Variants in TMED3 observed in about 807,000 individuals in gnomAD.
TMED3 encodes transmembrane p24 trafficking protein 3.
In TMED3, 9 loss-of-function variants were observed where a neutral mutation model predicts 15.0. The ratio of observed to expected loss-of-function variants is 0.60; its 90% CI spans 0.36 to 1.04. The LOEUF is 1.04. TMED3 is among the 50% of genes least tolerant of loss of function. TMED3 has a pLI of 0.01. For missense variants in TMED3, 267 were observed against 278.9 expected (o/e 0.96, Z 0.30); for synonymous variants, 117 against 121.4 (o/e 0.96, Z 0.24).
chr15:79,347,951 G>A (rs1165470446), intron 2 of TMED3, among the ~76,000 whole-genome samples: 1 of 152,112 alleles, frequency 6.6e-6, no homozygotes, highest in Non-Finnish European at 1.5e-5. Flanking sequence ...AACAAAAATA[G>A]CTGATTTTAC....
At chr15:79,407,369 G>C (rs1199295903) in intron 2 of TMED3, among the ~76,000 whole-genome samples, 1 of 152,068 alleles carries the variant, frequency 6.6e-6, no homozygotes, top group Non-Finnish European at 1.5e-5. Context: ...GAGATACTGG[G>C]GCATTTGCTC....
At chr15:79,375,943 G>T (rs1206896344) in intron 2 of TMED3, among the ~76,000 whole-genome samples, 2 of 152,146 alleles carry the variant, frequency 1.3e-5, no homozygotes, top group African/African-American at 4.8e-5. Flanking sequence ...AAGGTGAAGG[G>T]CAAAAATATG....
At chr15:79,314,246 C>A (rs1300158155) in intron 2 of TMED3, among the ~76,000 whole-genome samples, 2 of 151,608 alleles carry the variant, frequency 1.3e-5, no homozygotes, top group East Asian at 3.8e-4. Flanking sequence ...CCTGTCTCTA[C>A]TCTTTCATTC....
intron 2 of TMED3, among the ~76,000 whole-genome samples, chr15:79,354,271 G>A (rs2058909696): frequency 6.6e-6 from 1 of 152,068 alleles, no homozygotes; most frequent in Admixed American, 6.6e-5. Context: ...AGGGGAGTAT[G>A]GAGGGCAGAG....
At chr15:79,358,799 C>T (rs1365583145) in intron 2 of TMED3, among the ~76,000 whole-genome samples, 1 of 152,208 alleles carries the variant, frequency 6.6e-6, no homozygotes, top group Non-Finnish European at 1.5e-5. Flanking sequence ...GGTGAAATGG[C>T]TGGGCCTATT....
intron 2 of TMED3, among the ~76,000 whole-genome samples, chr15:79,380,693 G>T (rs180844273): frequency 5.9e-5 from 9 of 151,644 alleles, no homozygotes; most frequent in Admixed American, 5.9e-4. Context: ...ATATTTGGGG[G>T]ATGGAAGAGG....
chr15:79,357,858 G>C (rs939624510), intron 2 of TMED3, among the ~76,000 whole-genome samples: 2 of 152,038 alleles, frequency 1.3e-5, no homozygotes, highest in African/African-American at 4.8e-5. Flanking sequence ...TTAATGCATT[G>C]GTTTATACCA....
chr15:79,404,301 C>G (rs866211986), intron 2 of TMED3, among the ~76,000 whole-genome samples: 1 of 152,270 alleles, frequency 6.6e-6, no homozygotes, highest in Middle Eastern at 3.4e-3. Flanking sequence ...AGGGCTGGTA[C>G]CATATCAAAG....
rs1555424540 is a variant in TMED3 at position 79,387,613 on chromosome 15, C to CACACACAT, written c.418-23779_418-23772dup. Among the ~76,000 whole-genome samples, 1,127 of 152,038 alleles carry CACACACAT rather than the reference C, an allele frequency of 7.4e-3. 17 individuals carry two copies. The highest frequency in any genetic ancestry group is 0.025 in the African/African-American group (1,054 of 41,484). On this transcript the variant is annotated intron_variant, in intron 2 of 2. Transcript: ENST00000424155. Reference sequence around the variant, plus strand: ...GCACCTGCACACACACACACACACACACACACATACACACACACAAGTATT... The same window carrying CACACACAT: ...GCACCTGCACACACACACACACACACACACACATACACACATACACACACACAAGTATT...
chr15:79,355,899 C>T (rs531444147), intron 2 of TMED3, among the ~76,000 whole-genome samples: 77 of 152,206 alleles, frequency 5.1e-4, no homozygotes, highest in African/African-American at 1.8e-3. Flanking sequence ...ACTGAAAGTT[C>T]GAGAAAATGT....
intron 2 of TMED3, among the ~76,000 whole-genome samples, chr15:79,330,586 T>C (rs1313293012): frequency 1.3e-5 from 2 of 152,182 alleles, no homozygotes; most frequent in African/African-American, 4.8e-5. Context: ...AAAATTAATA[T>C]TGTTAAAAGG....
chr15:79,334,131 C>G (rs1191699972), intron 2 of TMED3, among the ~76,000 whole-genome samples: 2 of 152,082 alleles, frequency 1.3e-5, no homozygotes, highest in Admixed American at 6.5e-5. Context: ...AAAGGAAGAT[C>G]CCTGTCTTCC....
downstream of TMED3, among the ~76,000 whole-genome samples, chr15:79,325,474 C>T (rs1595889055): frequency 6.6e-6 from 1 of 151,860 alleles, no homozygotes; most frequent in East Asian, 1.9e-4. Flanking sequence ...GATAATTTTC[C>T]AAAAAAGGAT....
At chr15:79,397,610 G>C (rs1368181032) in intron 2 of TMED3, among the ~76,000 whole-genome samples, 2 of 152,162 alleles carry the variant, frequency 1.3e-5, no homozygotes, top group Non-Finnish European at 2.9e-5. Flanking sequence ...AGTTGACTCT[G>C]GATACATTTT....
chr15:79,394,310 T>C (rs1267138566), intron 2 of TMED3, among the ~76,000 whole-genome samples: 1 of 152,192 alleles, frequency 6.6e-6, no homozygotes, highest in Admixed American at 6.5e-5. Flanking sequence ...CTTTATAGAA[T>C]GTTAACTTTG....
At chr15:79,318,337 T>C (rs527452823) in intron 2 of TMED3, among the ~76,000 whole-genome samples, 10 of 152,354 alleles carry the variant, frequency 6.6e-5, no homozygotes, top group Non-Finnish European at 1.3e-4. Flanking sequence ...GCTCTGATTC[T>C]TAATTCCCTG....
At chr15:79,406,773 G>T (rs529614854) in intron 2 of TMED3, among the ~76,000 whole-genome samples, 1 of 152,244 alleles carries the variant, frequency 6.6e-6, no homozygotes, top group East Asian at 1.9e-4. Flanking sequence ...CTTACCCCCC[G>T]CAGGAATACT....
intron 1 of TMED3, among the ~76,000 whole-genome samples, chr15:79,313,122 C>T (rs749248699): frequency 6.6e-6 from 1 of 152,286 alleles, no homozygotes; most frequent in South Asian, 2.1e-4. Flanking sequence ...AATAAAGTAA[C>T]TTGTCTAGGG....
At chr15:79,339,741 CATG>C (rs765158357) in intron 2 of TMED3, among the ~76,000 whole-genome samples, 11 of 150,738 alleles carry the variant, frequency 7.3e-5, no homozygotes, top group East Asian at 2.0e-4. Context: ...GTGGTGATGA[CATG>C]ATGGTGATAG....
Sources: allele counts gnomAD v4.1 joint callset (sites outside exome capture counted in the v4.1 genomes callset), GRCh38; gene constraint gnomAD v4.1.1; transcripts MANE v1.5; gene names NCBI Gene and HGNC (gene_info 2026-07-23, HGNC 2026-07-21).